The following GNAS variants were observed in gnomAD, a reference collection of about 807,000 sequenced individuals.
GNAS encodes GNAS complex locus.
Under a neutral mutation model 54.5 loss-of-function variants are expected in GNAS, and 8 were observed. The observed-to-expected ratio is 0.15, with a 90% CI of 0.09 to 0.26. GNAS has a LOEUF of 0.26. GNAS is among the 10% of genes least tolerant of loss of function. The pLI is 1.00. For synonymous variants in GNAS, 204 were observed against 191.4 expected (o/e 1.07, Z -0.54); for missense variants, 170 against 529.8 (o/e 0.32, Z 6.67).
chr20:58,904,737 A>C (rs535624894), intron 5 of GNAS, among the ~76,000 whole-genome samples: 1 of 152,258 alleles, frequency 6.6e-6, no homozygotes. Flanking sequence ...ATGGATAGCT[A>C]AACTTTTTAA....
In GNAS at chr20:58,910,353, G is replaced by A. The variant is rs1386853888; in HGVS notation, c.990G>A (p.Glu330=). 6.2e-7 allele frequency: 1 copy of A among 1,611,674 alleles called. No homozygotes were observed. The highest frequency in any genetic ancestry group is 1.3e-5 in the African/African-American group (1 of 74,852). ...ATATAGCTACTCCCGAGCCCGGAGA[G>A]GACCCACGCGTGACCCGGGCCAAGT... ...TPEDATPEPG[E]DPRVTRAKYF... The change falls in exon 12 of 13, where the codon GAG becomes GAA. Residue 330 remains glutamate, a synonymous_variant. Transcript: ENST00000371085. The surrounding 1 kb of genome is among the most constrained non-coding windows in gnomAD (Gnocchi z 5.8).
At position 58,891,873 on chromosome 20, in the gene GNAS, C is replaced by CG. The variant is rs1204203452; in HGVS notation, c.139+11dup. On this transcript the variant is annotated intron_variant, in intron 1 of 12. Transcript: ENST00000371085. ...ACCGCCTGCTGCTGCTGGGTAAGGG[C>CG]GGGCGGGGGGCGCCGGCCCCGGCCC... is the stretch of plus-strand genomic sequence containing the variant. The CG allele has an allele frequency of 8.5e-7, 1 of 1,179,038 alleles. No homozygotes were observed. The highest frequency in any genetic ancestry group is 1.1e-6 in the Non-Finnish European group (1 of 919,710). The allele number at this position is 1,179,038 out of a possible 1,614,324, so 73.0% of individuals were successfully genotyped here.
chr20:58,862,461 G>A (rs1339133589), intron 1 of GNAS, among the ~76,000 whole-genome samples: 3 of 151,574 alleles, frequency 2.0e-5, no homozygotes, highest in South Asian at 2.1e-4. Flanking sequence ...ACCAAGCCTC[G>A]ACTTTTAATT....
At chr20:58,847,097 G>A (rs2085968391) in intron 1 of GNAS, among the ~76,000 whole-genome samples, 1 of 152,218 alleles carries the variant, frequency 6.6e-6, no homozygotes, top group Non-Finnish European at 1.5e-5. Context: ...AGAGGACAGT[G>A]GCATGCCTTG....
Position 58,891,751 on chromosome 20 carries a change from A to T in GNAS, c.25A>T (p.Thr9Ser). Residue 9 changes from threonine (T) to serine (S), a missense_variant, in exon 1 of 13, where the codon ACC (threonine) becomes TCC (serine). Physicochemically the swap from Thr to Ser is moderately conservative, Grantham distance 58. Around this residue, in one of 3 missense-constraint regions of GNAS, gnomAD observed 56 missense variants for 55.7 expected, o/e 1.01. Transcript: ENST00000371085. MGCLGNSK[T>S]EDQRNEEKAQ... ...CATGGGCTGCCTCGGGAACAGTAAG[A>T]CCGAGGACCAGCGCAACGAGGAGAA... 8.0e-7 allele frequency: 1 copy of T among 1,250,834 alleles called. No individual in the cohort carries two copies. Among genetic ancestry groups the T allele is most frequent in the Non-Finnish European group, 1.0e-6 (1 of 957,550 alleles). 77.5% of individuals were successfully genotyped at this position (1,250,834 alleles called of 1,614,324 possible).
chr20:58,891,286 TCCTCC>T (rs2089248793), upstream of GNAS: 1 of 140,472 alleles, frequency 7.1e-6, no homozygotes, highest in African/African-American at 2.6e-5. Context: ...CTCCTCCTCC[TCCTCC>T]TTCCACCCCC....
intron 1 of GNAS, among the ~76,000 whole-genome samples, chr20:58,860,375 G>A (rs772569721): frequency 2.0e-5 from 3 of 150,686 alleles, no homozygotes; most frequent in Non-Finnish European, 4.4e-5. Flanking sequence ...TTTTTGCAGG[G>A]TCTAAAGCTT....
At chr20:58,865,079 G>C (rs1366458007) in intron 1 of GNAS, among the ~76,000 whole-genome samples, 1 of 151,830 alleles carries the variant, frequency 6.6e-6, no homozygotes, top group African/African-American at 2.4e-5. Flanking sequence ...CAAATTCTGG[G>C]GACAGTTCAA....
chr20:58,910,620 A>G lies in GNAS; in HGVS notation c.1039-63A>G. 6.3e-7 allele frequency: 1 copy of G among 1,596,590 alleles called. No individual in the cohort carries two copies. Among genetic ancestry groups the G allele is most frequent in the Non-Finnish European group, 8.6e-7 (1 of 1,164,596 alleles). ...ACAGCCGTCCCTGGTAGGTGTCCCCATCAGGGATAGGGTGGTTCCTGGCGA... is the reference window on the plus strand; with the variant it reads ...ACAGCCGTCCCTGGTAGGTGTCCCCGTCAGGGATAGGGTGGTTCCTGGCGA... On this transcript the variant is annotated intron_variant, in intron 12 of 12. Coordinates refer to ENST00000371085, the MANE Select transcript of GNAS (RefSeq NM_000516.7). The surrounding 1 kb of genome is among the most constrained non-coding windows in gnomAD (Gnocchi z 5.8).
At chr20:58,850,775 A>T (rs1426328880) in intron 1 of GNAS, 5 of 398,766 alleles carry the variant, frequency 1.3e-5, no homozygotes, top group African/African-American at 1.0e-4. Context: ...CTGTGGCATG[A>T]GGAAGAGTGA....
chr20:58,889,133 G>A (rs1030063683), upstream of GNAS: 6 of 1,196,032 alleles, frequency 5.0e-6, no homozygotes, highest in African/African-American at 4.9e-5. Flanking sequence ...AGAGGCTGGG[G>A]CGTCATCGGG....
chr20:58,854,450 C>T (rs754581280), intron 1 of GNAS: 1 of 1,577,554 alleles, frequency 6.3e-7, no homozygotes, highest in South Asian at 1.2e-5. Flanking sequence ...CCAGGGCAGC[C>T]CCTGCAGCCC....
rs2085688250 is a variant in GNAS, at chr20:58,840,868, C to G, written c.25C>G (p.Leu9Val). ...AATGGAGGACGCCGTCCAGATTCTC[C>G]TTGTTTTCATGGATTCAGGTTAGTT... Residue 9 changes from leucine (L) to valine (V), a missense_variant, in exon 1 of 13, where the codon CTT (leucine) becomes GTT (valine). Transcript: ENST00000306090. This position sits in a 1 kb window ranked among gnomAD's most constrained non-coding sequence, Gnocchi z 6.0. 6.2e-7 allele frequency: 1 copy of G among 1,612,682 alleles called. No individual in the cohort carries two copies. The highest frequency in any genetic ancestry group is 8.5e-7 in the Non-Finnish European group (1 of 1,179,970).
At chr20:58,882,768 C>T (rs919485444) in intron 1 of GNAS, 4 of 152,136 alleles carry the variant, frequency 2.6e-5, no homozygotes, top group African/African-American at 7.2e-5. Context: ...ATAATACCCC[C>T]TTCCCAAGTC....
At chr20:58,881,421 G>C (rs1217640997) in intron 1 of GNAS, among the ~76,000 whole-genome samples, 1 of 152,198 alleles carries the variant, frequency 6.6e-6, no homozygotes, top group Non-Finnish European at 1.5e-5. Context: ...CAGTGGAAGG[G>C]ATTGAGGAAA....
chr20:58,840,452 G>T (rs2085674526), upstream of GNAS: 1 of 1,613,318 alleles, frequency 6.2e-7, no homozygotes, highest in Non-Finnish European at 8.5e-7. The surrounding 1 kb of genome is among the most constrained non-coding windows in gnomAD (Gnocchi z 6.0). Context: ...GAGCGAGACC[G>T]AGTCCGAAAT....
chr20:58,903,100 C>CT lies in GNAS; in HGVS notation c.258-430dup. On this transcript the variant is annotated intron_variant, in intron 3 of 12. Coordinates refer to ENST00000371085, the MANE Select transcript of GNAS (RefSeq NM_000516.7). ...ACTGGTTCTCTCAGTATGCTAGCAA[C>CT]TGAGTTAATTCCAAGTCAAACCATG... The CT allele has an allele frequency of 8.8e-6, 3 of 339,814 alleles. 1 individual carries two copies. The highest frequency in any genetic ancestry group is 7.2e-5 in the South Asian group (3 of 41,682). 21.0% of individuals were successfully genotyped at this position (339,814 alleles called of 1,614,324 possible).
In GNAS at chr20:58,909,540, C is replaced by G. The variant is rs797045203; in HGVS notation, c.679C>G (p.Gln227Glu). ...VNFHMFDVGG[Q>E]RDERRKWIQC... ...CACCAGCATGTTTGACGTGGGTGGC[C>G]AGCGCGATGAACGCCGCAAGTGGAT... The change falls in exon 9 of 13, where the codon CAG becomes GAG. Residue 227 changes from glutamine (Q) to glutamate (E), a missense_variant. By Grantham distance (29) the Gln-to-Glu change is conservative. This residue lies in a region of GNAS where 78 missense variants were observed against 251.1 expected (regional missense o/e 0.31). Coordinates refer to ENST00000371085, the MANE Select transcript of GNAS (RefSeq NM_000516.7). This position sits in a 1 kb window ranked among gnomAD's most constrained non-coding sequence, Gnocchi z 7.3. 6.2e-7 allele frequency: 1 copy of G among 1,614,172 alleles called. No individual in the cohort carries two copies. Among genetic ancestry groups the G allele is most frequent in the Non-Finnish European group, 8.5e-7 (1 of 1,180,016 alleles).
chr20:58,903,139 C>T (rs763911012), intron 3 of GNAS: 18 of 365,368 alleles, frequency 4.9e-5, no homozygotes, highest in Non-Finnish European at 9.5e-5. Flanking sequence ...CTGTTTTGTT[C>T]CACCCCAACC....
Sources: gnomAD v4.1 joint callset for allele counts (sites outside exome capture counted in the v4.1 genomes callset) on GRCh38, gnomAD v4.1.1 for gene constraint, gnomAD v4.1.1 regional missense constraint, Gnocchi (gnomAD v3.1) non-coding constraint, MANE v1.5 for transcripts, NCBI Gene and HGNC (gene_info 2026-07-23, HGNC 2026-07-21) for gene names.